Variants in TRIM23 observed in about 807,000 individuals in gnomAD.
TRIM23 encodes the protein tripartite motif containing 23.
A neutral mutation model predicts 71.0 loss-of-function variants in TRIM23; 27 were observed. The ratio of observed to expected loss-of-function variants is 0.38; its 90% CI spans 0.28 to 0.52. The LOEUF (loss-of-function observed/expected upper bound fraction) is 0.52, where lower values mean the gene tolerates loss of function less well. TRIM23 is among the 20% of genes least tolerant of loss of function. The probability of loss-of-function intolerance (pLI) is 0.84; values close to 1 mark genes in which losing one functional copy is unlikely to be tolerated. For missense variants in TRIM23, 482 were observed against 692.3 expected (o/e 0.70, Z 3.41); for synonymous variants, 234 against 238.0 (o/e 0.98, Z 0.16).
intron 10 of TRIM23, 85 bp downstream of exon 10, chr5:65,594,436 C>T: frequency 1.4e-6 from 2 of 1,448,046 alleles, no homozygotes; most frequent in South Asian, 2.7e-5. Flanking sequence ...ATCTATTGAA[C>T]TGATTGTCTT....
chr5:65,603,576 GTAA>G (rs1754417378), intron 7 of TRIM23, among the ~76,000 whole-genome samples: 1 of 152,124 alleles, frequency 6.6e-6, no homozygotes, highest in Non-Finnish European at 1.5e-5. Flanking sequence ...GGGGAATGAA[GTAA>G]AAAGGGTAGA....
In TRIM23 at chr5:65,614,116, G is replaced by A. The variant is rs1470591346; in HGVS notation, c.348C>T (p.Ser116=). 15 of 1,613,688 alleles carry A rather than the reference G, an allele frequency of 9.3e-6. No homozygotes were observed. Among genetic ancestry groups the A allele is most frequent in the African/African-American group, 1.3e-5 (1 of 74,994 alleles). The change falls in exon 3 of 11, where the codon TCC becomes TCT. Residue 116 remains serine (S), a synonymous_variant. Coordinates refer to ENST00000231524, the MANE Select transcript of TRIM23 (RefSeq NM_001656.4). ...TCAATACCTCTCCAGATATCCCAATGGATTCTTCTGCAGCTCCATACTGAC... is the reference window on the plus strand; with the variant it reads ...TCAATACCTCTCCAGATATCCCAATAGATTCTTCTGCAGCTCCATACTGAC... ...PIGQYGAAEE[S]IGISGESIIR... is the part of the protein sequence containing the mutation.
At position 65,590,983 on chromosome 5, in the gene TRIM23, T is replaced by C. The variant is rs1287736078; in HGVS notation, c.*786A>G. 17 of 985,236 alleles carry C rather than the reference T, an allele frequency of 1.7e-5. No individual in the cohort carries two copies. The highest frequency in any genetic ancestry group is 3.5e-5 in the African/African-American group (2 of 57,328). The allele number at this position is 985,236 out of a possible 1,614,324, so 61.0% of individuals were successfully genotyped here. A position where few individuals can be genotyped will look rare whatever the true frequency, so the allele number is the denominator to read the frequency against. On this transcript the variant is annotated 3_prime_UTR_variant, in exon 11 of 11. Transcript: ENST00000231524. ...ATATTACTTTAAATTTGTTGAAAAA[T>C]AGAAGGACCAATTTAGAGCTCTGAC...
At position 65,591,565 on chromosome 5, in the gene TRIM23, C is replaced by T; in HGVS notation, c.*204G>A. On this transcript the variant is annotated 3_prime_UTR_variant, in exon 11 of 11. Transcript: ENST00000231524. ...TCAATAAGTTTCTATTTAATTCAAT[C>T]TAATCTGCTCAATTAGAAATTTAAT... 1 of 1,370,590 alleles carries T rather than the reference C, an allele frequency of 7.3e-7. No individual in the cohort carries two copies. The highest frequency in any genetic ancestry group is 9.6e-7 in the Non-Finnish European group (1 of 1,041,390). The allele number at this position is 1,370,590 out of a possible 1,614,324, so 84.9% of individuals were successfully genotyped here.
Position 65,600,077 on chromosome 5 carries a change from G to A in TRIM23, c.1180-2897C>T, listed in dbSNP as rs189759926. Among the ~76,000 whole-genome samples, 358 of 152,144 alleles carry A rather than the reference G, an allele frequency of 2.4e-3. 2 individuals are homozygous for A. The highest frequency in any genetic ancestry group is 8.3e-3 in the African/African-American group (344 of 41,500). Reference sequence around the variant, plus strand: ...CAGGAGCAAGAGAGAGGGTGGGGGAGGTGCCACACACTTTTAAACGACCAG... The same window carrying A: ...CAGGAGCAAGAGAGAGGGTGGGGGAAGTGCCACACACTTTTAAACGACCAG... On this transcript the variant is annotated intron_variant, in intron 7 of 10. Coordinates refer to ENST00000231524, the MANE Select transcript of TRIM23 (RefSeq NM_001656.4).
chr5:65,604,923 G>A lies in TRIM23; in HGVS notation c.1167C>T (p.Val389=). The change falls in exon 7 of 11, where the codon GTC becomes GTT. Residue 389 remains valine (V), a synonymous_variant. Transcript: ENST00000231524. ...TACAGTACATTACCTTTGTAAAAGT[G>A]ACAGGGATGCTGGCATCCAACTGAA... is the stretch of plus-strand genomic sequence containing the variant. ...DHIQLDASIP[V]TFTKDNRVHI... is the part of the protein sequence containing the mutation. 1 of 1,613,126 alleles carries A rather than the reference G, an allele frequency of 6.2e-7. No homozygotes were observed. Among genetic ancestry groups the A allele is most frequent in the Non-Finnish European group, 8.5e-7 (1 of 1,179,666 alleles).
chr5:65,597,382 T>G (rs901955939), intron 7 of TRIM23, among the ~76,000 whole-genome samples: 29 of 152,230 alleles, frequency 1.9e-4, no homozygotes, highest in Non-Finnish European at 3.7e-4. Context: ...GACCACTTTG[T>G]CTTTGTATAA....
At position 65,591,228 on chromosome 5, in the gene TRIM23, G is replaced by T; in HGVS notation, c.*541C>A. On this transcript the variant is annotated 3_prime_UTR_variant, in exon 11 of 11. Transcript: ENST00000231524. Reference sequence around the variant, plus strand: ...TAGTTCTTAGCATTAAAGGTGTTCTGTTAACTCTGAACATAAACATAAAGT... The same window carrying T: ...TAGTTCTTAGCATTAAAGGTGTTCTTTTAACTCTGAACATAAACATAAAGT... The T allele has an allele frequency of 8.0e-7, 1 of 1,248,570 alleles. No homozygotes were observed. The highest frequency in any genetic ancestry group is 1.0e-6 in the Non-Finnish European group (1 of 995,622). The allele number at this position is 1,248,570 out of a possible 1,614,324, so 77.3% of individuals were successfully genotyped here.
chr5:65,597,011 G>T, intron 8 of TRIM23, 40 bp downstream of exon 8: 1 of 1,606,504 alleles, frequency 6.2e-7, no homozygotes, highest in South Asian at 1.1e-5. Flanking sequence ...CTGTAAGCTA[G>T]GGTTTGTCTA....
At chr5:65,618,281 C>T in intron 1 of TRIM23, 26 bp from the exon 2 acceptor site, 5 of 1,580,682 alleles carry the variant, frequency 3.2e-6, no homozygotes, top group East Asian at 4.6e-5. Context: ...GAAGGATGTG[C>T]TCTTTAAACA....
chr5:65,591,645 T>TATATATA lies in TRIM23; in HGVS notation c.*123_*124insTATATAT. 1.4e-6 allele frequency: 1 copy of TATATATA among 714,504 alleles called. No individual in the cohort carries two copies. The highest frequency in any genetic ancestry group is 5.4e-4 in the Middle Eastern group (1 of 1,860). 44.3% of individuals were successfully genotyped at this position (714,504 alleles called of 1,614,324 possible). A position where few individuals can be genotyped will look rare whatever the true frequency, so the allele number is the denominator to read the frequency against. On this transcript the variant is annotated 3_prime_UTR_variant, in exon 11 of 11. Transcript: ENST00000231524. ...ACTGAATTCCCAATCCAAGATTCCTTTATATATATATATATATATATGCAT... is the reference window on the plus strand; with the variant it reads ...ACTGAATTCCCAATCCAAGATTCCTTATATATATATATATATATATATATATATGCAT...
intron 3 of TRIM23, among the ~76,000 whole-genome samples, chr5:65,613,275 T>C (rs1323553373): frequency 6.6e-6 from 1 of 152,210 alleles, no homozygotes; most frequent in Admixed American, 6.5e-5. Context: ...CAGAAAGAAC[T>C]GCATAACTTT....
In TRIM23 at chr5:65,591,185, T is replaced by C; in HGVS notation, c.*584A>G. 1 of 1,137,320 alleles carries C rather than the reference T, an allele frequency of 8.8e-7. No individual in the cohort carries two copies. Among genetic ancestry groups the C allele is most frequent in the East Asian group, 6.5e-5 (1 of 15,416 alleles). The allele number at this position is 1,137,320 out of a possible 1,614,324, so 70.5% of individuals were successfully genotyped here. On this transcript the variant is annotated 3_prime_UTR_variant, in exon 11 of 11. Transcript: ENST00000231524. ...AGTTAATAAAACACTATATAAAGTATTAATTTTCTGTACCTTATAGTTCTT... is the reference window on the plus strand; with the variant it reads ...AGTTAATAAAACACTATATAAAGTACTAATTTTCTGTACCTTATAGTTCTT...
At chr5:65,608,684 C>G (rs540083653) in intron 6 of TRIM23, among the ~76,000 whole-genome samples, 2 of 152,258 alleles carry the variant, frequency 1.3e-5, no homozygotes, top group African/African-American at 4.8e-5. Flanking sequence ...ATAACTGAAT[C>G]TCATTTATTT....
intron 1 of TRIM23, among the ~76,000 whole-genome samples, chr5:65,622,470 C>G (rs1754971772): frequency 6.6e-6 from 1 of 152,166 alleles, no homozygotes; most frequent in Admixed American, 6.5e-5. Flanking sequence ...CGTGTGCCAC[C>G]GCGCCTAGCC....
rs773315693 is a variant in TRIM23 at position 65,624,310 on chromosome 5, A to C, written c.-36T>G. On this transcript the variant is annotated 5_prime_UTR_variant, in exon 1 of 11. Transcript: ENST00000231524. ...GAAGCGCCACAGAAACAGCCTTCAG[A>C]GTCCTCAACTGAGAGGCGGGGTTGA... is the stretch of plus-strand genomic sequence containing the variant. 5 of 1,610,394 alleles carry C rather than the reference A, an allele frequency of 3.1e-6. No individual in the cohort carries two copies. Among genetic ancestry groups the C allele is most frequent in the Non-Finnish European group, 4.2e-6 (5 of 1,178,902 alleles).
intron 1 of TRIM23, among the ~76,000 whole-genome samples, chr5:65,623,255 A>G (rs469297): frequency 0.3 from 46,171 of 152,104 alleles, 7,336 homozygotes; most frequent in African/African-American, 0.38. Context: ...CATTAAAATA[A>G]CTTCTGGTAA....
intron 9 of TRIM23, among the ~76,000 whole-genome samples, chr5:65,595,390 TACTAA>T (rs1410810640): frequency 6.6e-6 from 1 of 151,938 alleles, no homozygotes; most frequent in Non-Finnish European, 1.5e-5. Context: ...ACCCCGTCTC[TACTAA>T]AAATACAAAA....
At position 65,596,538 on chromosome 5, in the gene TRIM23, T is replaced by C; in HGVS notation, c.1310-7A>G. The C allele has an allele frequency of 6.5e-7, 1 of 1,536,558 alleles. No individual in the cohort carries two copies. The highest frequency in any genetic ancestry group is 1.2e-5 in the South Asian group (1 of 86,772). ...ACAGTTTCCACGTTAAAACCTGTTTTAAAAAAAAAGTTACTTTTATACTAT... is the reference window on the plus strand; with the variant it reads ...ACAGTTTCCACGTTAAAACCTGTTTCAAAAAAAAAGTTACTTTTATACTAT... On this transcript the variant is annotated splice_region_variant and splice_polypyrimidine_tract_variant and intron_variant, in intron 8 of 10. Transcript: ENST00000231524.
Sources: gnomAD v4.1 joint callset for allele counts (sites outside exome capture counted in the v4.1 genomes callset) on GRCh38, gnomAD v4.1.1 for gene constraint, MANE v1.5 for transcripts, NCBI Gene and HGNC (gene_info 2026-07-23, HGNC 2026-07-21) for gene names.